ADGRG5: variants seen among roughly 807,000 people sequenced by gnomAD.
The protein encoded by ADGRG5 is adhesion G protein-coupled receptor G5.
Under a neutral mutation model 53.2 loss-of-function variants are expected in ADGRG5, and 37 were observed. That is an observed-to-expected ratio of 0.70 (90% CI 0.53 to 0.91). ADGRG5 has a LOEUF of 0.91. ADGRG5 is among the 40% of genes least tolerant of loss of function. The probability of loss-of-function intolerance (pLI) is 0.00; values close to 1 mark genes in which losing one functional copy is unlikely to be tolerated. For missense variants in ADGRG5, 614 were observed against 675.8 expected (o/e 0.91, Z 1.01); for synonymous variants, 277 against 290.4 (o/e 0.95, Z 0.47).
At chr16:57,538,961 A>G (rs1171242631), upstream of ADGRG5, among the ~76,000 whole-genome samples, 1 of 152,236 alleles carries the variant, frequency 6.6e-6, no homozygotes, top group African/African-American at 2.4e-5. Flanking sequence ...TGCAAATAAA[A>G]CAACGTTAGT....
At chr16:57,562,793 G>A (rs2033034681) in intron 3 of ADGRG5, among the ~76,000 whole-genome samples, 1 of 152,190 alleles carries the variant, frequency 6.6e-6, no homozygotes, top group Non-Finnish European at 1.5e-5. Flanking sequence ...AGCGGCCAAT[G>A]CTGAAGACTG....
intron 1 of ADGRG5, among the ~76,000 whole-genome samples, chr16:57,554,113 A>AT (rs1301760777): frequency 2.2e-4 from 33 of 151,726 alleles, no homozygotes; most frequent in Non-Finnish European, 4.0e-4. Flanking sequence ...ATTTCAAGGA[A>AT]TTTTTTTTCA....
rs2032612138 is a variant in ADGRG5 at position 57,546,052 on chromosome 16, C to T, written c.-39+3351C>T. Among the ~76,000 whole-genome samples, 5 of 152,184 alleles carry T rather than the reference C, an allele frequency of 3.3e-5. No homozygotes were observed. In the South Asian group the frequency reaches 1.0e-3, roughly 32 times the overall value. ...TGTTGGCCAGGCTGGTCTTGAACTCCTGACCTCAGGTGAGCCTCCTGCCTC... is the reference window on the plus strand; with the variant it reads ...TGTTGGCCAGGCTGGTCTTGAACTCTTGACCTCAGGTGAGCCTCCTGCCTC... On this transcript the variant is annotated intron_variant, in intron 1 of 11. Coordinates refer to ENST00000349457, the MANE Select transcript of ADGRG5 (RefSeq NM_001304376.3).
the ADGRG5 span, among the ~76,000 whole-genome samples, chr16:57,531,235 C>T: frequency 1.8e-4 from 27 of 152,064 alleles, no homozygotes; most frequent in African/African-American, 5.8e-4. Context: ...CCATTCCCCC[C>T]GTGACCAGCT....
chr16:57,565,761 TA>T (rs2033116593), intron 6 of ADGRG5: 1 of 152,638 alleles, frequency 6.6e-6, no homozygotes, highest in Non-Finnish European at 1.5e-5. Context: ...AGTGAGCTCC[TA>T]GGGTAAGTGC....
intron 4 of ADGRG5, among the ~76,000 whole-genome samples, 196 bp from the exon 5 acceptor site, chr16:57,563,652 C>G (rs1181752517): frequency 6.6e-6 from 1 of 152,150 alleles, no homozygotes; most frequent in Non-Finnish European, 1.5e-5. Flanking sequence ...GTCAGGTAAA[C>G]ATCCAAAACT....
At chr16:57,553,159 G>C (rs1299098277) in intron 1 of ADGRG5, among the ~76,000 whole-genome samples, 2 of 152,112 alleles carry the variant, frequency 1.3e-5, no homozygotes, top group African/African-American at 2.4e-5. Context: ...TACCAAAACA[G>C]GACCCAGCCA....
chr16:57,568,592 T>C (rs1249491488), intron 9 of ADGRG5, among the ~76,000 whole-genome samples: 45 of 113,140 alleles, frequency 4.0e-4, no homozygotes, highest in African/African-American at 5.5e-4. Flanking sequence ...TCCTCCACCA[T>C]CATCACCATC....
the ADGRG5 span, among the ~76,000 whole-genome samples, chr16:57,531,229 T>TC: frequency 6.6e-6 from 1 of 151,588 alleles, no homozygotes; most frequent in African/African-American, 2.4e-5. Flanking sequence ...CTGCCTCCAT[T>TC]CCCCCCGTGA....
chr16:57,537,517 C>T, the ADGRG5 span, among the ~76,000 whole-genome samples: 1 of 152,198 alleles, frequency 6.6e-6, no homozygotes, highest in Non-Finnish European at 1.5e-5. Flanking sequence ...CACTGGAAGT[C>T]TTGCTTTTTC....
chr16:57,563,134 C>T lies in ADGRG5; in HGVS notation c.184C>T (p.Pro62Ser). 6.2e-7 allele frequency: 1 copy of T among 1,614,160 alleles called. No individual in the cohort carries two copies. The highest frequency in any genetic ancestry group is 8.5e-7 in the Non-Finnish European group (1 of 1,180,014). ...GCAGATGCTACTGAACACCAGCTTC[C>T]CAGGCTACAACCTGACCTTGCAGAC... is the stretch of plus-strand genomic sequence containing the variant. Reference protein sequence around the residue: ...LEQMLLNTSFPGYNLTLQTPT... With the variant: ...LEQMLLNTSFSGYNLTLQTPT... Residue 62 changes from proline to serine, a missense_variant, in exon 4 of 12, where the codon CCA becomes TCA. Physicochemically the swap from Pro to Ser is moderately conservative, Grantham distance 74. Coordinates refer to ENST00000349457, the MANE Select transcript of ADGRG5 (RefSeq NM_001304376.3).
At chr16:57,534,841 G>T in the ADGRG5 span, among the ~76,000 whole-genome samples, 590 of 152,304 alleles carry the variant, frequency 3.9e-3, 4 homozygotes, top group African/African-American at 0.014. Flanking sequence ...CGGCCAAGTC[G>T]GCTGTCCCAC....
intron 11 of ADGRG5, 132 bp from the exon 12 acceptor site, chr16:57,575,306 C>G (rs1241316471): frequency 1.0e-6 from 1 of 960,116 alleles, no homozygotes; most frequent in Non-Finnish European, 1.6e-6. Context: ...CTCTGCCCCT[C>G]TGGCCTCCTA....
At position 57,567,729 on chromosome 16, in the gene ADGRG5, C is replaced by T. The variant is rs191507248; in HGVS notation, c.822-127C>T. 2,199 of 1,409,120 alleles carry T rather than the reference C, an allele frequency of 1.6e-3. 22 individuals are homozygous for T. Among genetic ancestry groups the T allele is most frequent in the Non-Finnish European group, 8.3e-4 (861 of 1,034,632 alleles). The allele number at this position is 1,409,120 out of a possible 1,614,324, so 87.3% of individuals were successfully genotyped here. ...GAGGCGGGAGACCAGCCTTGTGGTGCGACTGCTGTGGGATCCCTGCCCCTT... is the reference window on the plus strand; with the variant it reads ...GAGGCGGGAGACCAGCCTTGTGGTGTGACTGCTGTGGGATCCCTGCCCCTT... On this transcript the variant is annotated intron_variant, in intron 8 of 11. Coordinates refer to ENST00000349457, the MANE Select transcript of ADGRG5 (RefSeq NM_001304376.3).
intron 1 of ADGRG5, among the ~76,000 whole-genome samples, chr16:57,561,815 G>A (rs921437839): frequency 6.6e-6 from 1 of 152,198 alleles, no homozygotes; most frequent in African/African-American, 2.4e-5. Flanking sequence ...TGTATCAGGC[G>A]GAGCTGCTAA....
intron 1 of ADGRG5, among the ~76,000 whole-genome samples, chr16:57,543,454 C>G (rs1201289283): frequency 6.6e-6 from 1 of 151,872 alleles, no homozygotes; most frequent in Non-Finnish European, 1.5e-5. Flanking sequence ...GGCTAATTTT[C>G]GTAATTTTAG....
intron 1 of ADGRG5, among the ~76,000 whole-genome samples, chr16:57,549,668 T>C: frequency 6.6e-6 from 1 of 152,232 alleles, no homozygotes; most frequent in Non-Finnish European, 1.5e-5. Flanking sequence ...AATCAAAATA[T>C]AGAACATTGC....
Position 57,563,220 on chromosome 16 carries a change from C to T in ADGRG5, c.270C>T (p.Thr90=), listed in dbSNP as rs764780036. The stretch of plus-strand genomic sequence containing the variant: ...GTGACTTCTCTGGCCTCTCGCTGAC[C>T]AGTGCCACTCTGAAGCGGGTGCCCC... ...LSCDFSGLSL[T]SATLKRVPQA... Residue 90 remains threonine (T), a synonymous_variant, in exon 4 of 12, where the codon ACC becomes ACT. Coordinates refer to ENST00000349457, the MANE Select transcript of ADGRG5 (RefSeq NM_001304376.3). 106 of 1,614,000 alleles carry T rather than the reference C, an allele frequency of 6.6e-5. No homozygotes were observed. Among genetic ancestry groups the T allele is most frequent in the Non-Finnish European group, 8.3e-5 (98 of 1,180,024 alleles).
At chr16:57,535,503 A>G in the ADGRG5 span, among the ~76,000 whole-genome samples, 1 of 152,070 alleles carries the variant, frequency 6.6e-6, no homozygotes, top group Admixed American at 6.5e-5. Context: ...CCTCTTCTGG[A>G]TCTTAGCCAC....
Sources: allele counts gnomAD v4.1 joint callset (sites outside exome capture counted in the v4.1 genomes callset), GRCh38; gene constraint gnomAD v4.1.1; transcripts MANE v1.5; gene names NCBI Gene and HGNC (gene_info 2026-07-23, HGNC 2026-07-21).